The following PRIM2 variants were observed in gnomAD, a reference collection of about 807,000 sequenced individuals.
PRIM2 encodes DNA primase subunit 2, also known as DNA primase large subunit.
PRIM2 carries 39 observed loss-of-function variants against 67.3 expected under a neutral mutation model. That is an observed-to-expected ratio of 0.58 (90% CI 0.45 to 0.76). The LOEUF (loss-of-function observed/expected upper bound fraction) is 0.76. PRIM2 is among the 30% of genes least tolerant of loss of function. The pLI is 0.00. For synonymous variants in PRIM2, 143 were observed against 198.7 expected (o/e 0.72, Z 2.36); for missense variants, 398 against 598.7 (o/e 0.66, Z 3.50).
intron 5 of PRIM2, among the ~76,000 whole-genome samples, chr6:57,343,058 C>A (rs66666490): frequency 6.6e-6 from 1 of 152,018 alleles, no homozygotes; most frequent in Non-Finnish European, 1.5e-5. Context: ...TTATTAGGAG[C>A]CTTTGGAGGC....
At chr6:57,537,710 T>C in intron 10 of PRIM2, 85 bp downstream of exon 10, 1 of 773,958 alleles carries the variant, frequency 1.3e-6, no homozygotes, top group Non-Finnish European at 1.8e-6. Flanking sequence ...TTTTTAAATA[T>C]GCTCCCTGCA....
chr6:57,306,853 A>G, the PRIM2 span, among the ~76,000 whole-genome samples: 1 of 152,202 alleles, frequency 6.6e-6, no homozygotes, highest in Admixed American at 6.5e-5. Flanking sequence ...ACTTTTATAA[A>G]AATGCTGAAT....
chr6:57,221,714 C>G, the PRIM2 span: 1 of 152,350 alleles, frequency 6.6e-6, no homozygotes, highest in Non-Finnish European at 1.5e-5. Context: ...CCAGGCAATT[C>G]CAGGTACCCA....
the PRIM2 span, among the ~76,000 whole-genome samples, chr6:57,306,563 C>T: frequency 6.6e-6 from 1 of 152,134 alleles, no homozygotes; most frequent in Non-Finnish European, 1.5e-5. Context: ...AGGGTTCGCT[C>T]CCTTCCCAGA....
chr6:57,290,321 T>C, the PRIM2 span, among the ~76,000 whole-genome samples: 1 of 152,138 alleles, frequency 6.6e-6, no homozygotes, highest in African/African-American at 2.4e-5. Flanking sequence ...TAAATATATA[T>C]GCACCCAATA....
chr6:57,625,376 A>G (rs1776931164), intron 12 of PRIM2, among the ~76,000 whole-genome samples: 1 of 152,200 alleles, frequency 6.6e-6, no homozygotes, highest in African/African-American at 2.4e-5. Flanking sequence ...GTAATTGTGG[A>G]TTAAAGCCAG....
chr6:57,291,979 G>A, the PRIM2 span, among the ~76,000 whole-genome samples: 1 of 152,244 alleles, frequency 6.6e-6, no homozygotes. Context: ...TCTGCATAGG[G>A]TTGGAAGTTC....
intron 10 of PRIM2, among the ~76,000 whole-genome samples, chr6:57,557,033 T>C (rs1355468484): frequency 7.3e-6 from 1 of 136,270 alleles, no homozygotes; most frequent in Non-Finnish European, 1.6e-5. Context: ...AAGCTTAGTA[T>C]CACTGATCAT....
At chr6:57,593,312 T>C (rs1274729536) in intron 10 of PRIM2, among the ~76,000 whole-genome samples, 2 of 151,968 alleles carry the variant, frequency 1.3e-5, no homozygotes, top group Non-Finnish European at 2.9e-5. Flanking sequence ...ACCTCTTTTT[T>C]TTTTTTGAGA....
chr6:57,451,839 A>T (rs1772563518), intron 7 of PRIM2, among the ~76,000 whole-genome samples: 1 of 151,294 alleles, frequency 6.6e-6, no homozygotes, highest in Admixed American at 6.6e-5. Context: ...TGTGCAGGTT[A>T]ATTACCTATG....
At chr6:57,580,141 GA>G (rs1776054777) in intron 10 of PRIM2, among the ~76,000 whole-genome samples, 1 of 152,134 alleles carries the variant, frequency 6.6e-6, no homozygotes, top group Non-Finnish European at 1.5e-5. Context: ...TAATCTCAAT[GA>G]GGCTCAAAGG....
intron 11 of PRIM2, among the ~76,000 whole-genome samples, 174 bp from the exon 12 acceptor site, chr6:57,606,201 A>G (rs1221705248): frequency 1.3e-5 from 2 of 152,226 alleles, no homozygotes; most frequent in Non-Finnish European, 2.9e-5. Flanking sequence ...CCATACAGCT[A>G]AGTAATCATT....
chr6:57,255,203 A>G, the PRIM2 span, among the ~76,000 whole-genome samples: 1 of 151,982 alleles, frequency 6.6e-6, no homozygotes, highest in African/African-American at 2.4e-5. Context: ...GATTATTAGA[A>G]TTACTCTCCA....
At position 57,325,941 on chromosome 6, in the gene PRIM2, T is replaced by C. The variant is rs1237829849; in HGVS notation, c.355T>C (p.Trp119Arg). Residue 119 changes from tryptophan (W) to arginine (R), a missense_variant, in exon 5 of 14, where the codon TGG (tryptophan) becomes CGG (arginine). By Grantham distance (101) the Trp-to-Arg change is moderately radical. This residue lies in a region of PRIM2 where 229 missense variants were observed against 383.6 expected (regional missense o/e 0.60). Transcript: ENST00000615550. ...AYCQSEELRRWFIQQEMDLLR... is the reference protein window; with the variant it reads ...AYCQSEELRRRFIQQEMDLLR... ...TCATTTCAGTGAAGAACTTAGACGC[T>C]GGTTCATTCAACAAGAAATGGATCT... is the stretch of plus-strand genomic sequence containing the variant. The C allele has an allele frequency of 3.1e-6, 5 of 1,604,648 alleles. No homozygotes were observed. In the South Asian group the frequency reaches 3.4e-5, roughly 11 times the overall value.
intron 7 of PRIM2, among the ~76,000 whole-genome samples, chr6:57,434,245 T>C (rs903526320): frequency 6.6e-6 from 1 of 151,824 alleles, no homozygotes; most frequent in Non-Finnish European, 1.5e-5. Context: ...TTTAAATATG[T>C]AAAATGTACA....
intron 7 of PRIM2, among the ~76,000 whole-genome samples, chr6:57,452,545 C>T (rs1377527018): frequency 7.2e-5 from 11 of 152,134 alleles, no homozygotes; most frequent in Non-Finnish European, 1.2e-4. Flanking sequence ...TGATGATGAG[C>T]GTTTTTTCAT....
the PRIM2 span, among the ~76,000 whole-genome samples, chr6:57,246,310 G>A: frequency 6.6e-6 from 1 of 152,116 alleles, no homozygotes; most frequent in African/African-American, 2.4e-5. Flanking sequence ...AACTCCCAGA[G>A]GCCAACAGAA....
At chr6:57,378,073 T>C (rs1328134145) in intron 5 of PRIM2, among the ~76,000 whole-genome samples, 1 of 151,216 alleles carries the variant, frequency 6.6e-6, no homozygotes, top group Non-Finnish European at 1.5e-5. Flanking sequence ...CTTCTTTTTT[T>C]TTTTTTTGAT....
chr6:57,359,890 T>A (rs1769142095), intron 5 of PRIM2, among the ~76,000 whole-genome samples: 1 of 152,222 alleles, frequency 6.6e-6, no homozygotes, highest in African/African-American at 2.4e-5. Context: ...TGCTTAAAAG[T>A]TAGCTGAGAA....
Sources: allele counts gnomAD v4.1 joint callset (sites outside exome capture counted in the v4.1 genomes callset), GRCh38; gene constraint gnomAD v4.1.1; regional missense constraint gnomAD v4.1.1; transcripts MANE v1.5; gene names NCBI Gene and HGNC (gene_info 2026-07-23, HGNC 2026-07-21).